The following KLHL1 variants were observed in gnomAD, a reference collection of about 807,000 sequenced individuals.
The protein encoded by KLHL1 is kelch-like protein 1.
In KLHL1, 47 loss-of-function variants were observed where a neutral mutation model predicts 77.7. The ratio of observed to expected loss-of-function variants is 0.60; its 90% CI spans 0.48 to 0.77. The LOEUF is 0.77. Ranked by LOEUF, KLHL1 falls within the 30% of genes least tolerant of loss-of-function variation. The pLI is 0.00. For synonymous variants in KLHL1, 360 were observed against 325.2 expected (o/e 1.11, Z -1.15); for missense variants, 925 against 910.8 (o/e 1.02, Z -0.20).
chr13:69,757,933 A>T (rs1334660377), intron 7 of KLHL1, among the ~76,000 whole-genome samples: 1 of 133,452 alleles, frequency 7.5e-6, no homozygotes, highest in African/African-American at 2.8e-5. Context: ...CTGCAGCCTG[A>T]GTAACAAGAG....
At chr13:69,785,495 C>T (rs1876487648) in intron 7 of KLHL1, among the ~76,000 whole-genome samples, 3 of 152,128 alleles carry the variant, frequency 2.0e-5, no homozygotes, top group African/African-American at 4.8e-5. Flanking sequence ...CTCTGGGACA[C>T]ATTCAAAGCA....
chr13:69,835,274 A>G (rs1448605204), intron 6 of KLHL1, among the ~76,000 whole-genome samples: 2 of 152,162 alleles, frequency 1.3e-5, no homozygotes, highest in African/African-American at 4.8e-5. Flanking sequence ...TCTAATTCTA[A>G]TACCAGCCCA....
intron 4 of KLHL1, among the ~76,000 whole-genome samples, chr13:69,901,061 A>G (rs114382323): frequency 0.014 from 2,076 of 152,358 alleles, 40 homozygotes; most frequent in African/African-American, 0.048. Context: ...ATTACCATAA[A>G]CAGAAACAAG....
intron 7 of KLHL1, among the ~76,000 whole-genome samples, chr13:69,755,250 C>T (rs1874657374): frequency 1.3e-5 from 2 of 151,742 alleles, no homozygotes; most frequent in Non-Finnish European, 2.9e-5. Context: ...CCCACTCTTG[C>T]CACGTGATAC....
chr13:69,966,130 A>G (rs1472230084), intron 2 of KLHL1, among the ~76,000 whole-genome samples: 2 of 152,156 alleles, frequency 1.3e-5, no homozygotes, highest in African/African-American at 4.8e-5. Flanking sequence ...AAGTGGCTAC[A>G]CTAAACAATA....
intron 1 of KLHL1, among the ~76,000 whole-genome samples, chr13:70,103,692 G>A (rs1437693303): frequency 6.6e-6 from 1 of 152,146 alleles, no homozygotes; most frequent in Non-Finnish European, 1.5e-5. Flanking sequence ...TGAGGGGAAA[G>A]AAGATATTGA....
At chr13:69,717,579 C>T (rs1872822874) in intron 9 of KLHL1, among the ~76,000 whole-genome samples, 1 of 152,086 alleles carries the variant, frequency 6.6e-6, no homozygotes, top group South Asian at 2.1e-4. Flanking sequence ...TCACAAACAA[C>T]ATTTCAATAC....
chr13:70,074,819 C>A (rs1887221767), intron 1 of KLHL1, among the ~76,000 whole-genome samples: 1 of 151,358 alleles, frequency 6.6e-6, no homozygotes, highest in Non-Finnish European at 1.5e-5. Context: ...CATAAGAACT[C>A]AAAAAATAAA....
intron 1 of KLHL1, among the ~76,000 whole-genome samples, chr13:70,101,188 T>C: frequency 6.6e-6 from 1 of 152,122 alleles, no homozygotes; most frequent in East Asian, 1.9e-4. Flanking sequence ...CTAAACAATT[T>C]GAAATAGTAC....
intron 1 of KLHL1, among the ~76,000 whole-genome samples, chr13:70,008,362 T>C (rs1473388604): frequency 6.6e-6 from 1 of 152,090 alleles, no homozygotes; most frequent in Non-Finnish European, 1.5e-5. Context: ...ATTTCATGCA[T>C]GCCTTGGGCC....
intron 1 of KLHL1, among the ~76,000 whole-genome samples, chr13:70,056,959 TATC>T (rs1434133219): frequency 6.6e-6 from 1 of 151,294 alleles, no homozygotes; most frequent in African/African-American, 2.4e-5. Context: ...AAATAAATAA[TATC>T]AGCACAGAAA....
intron 4 of KLHL1, among the ~76,000 whole-genome samples, chr13:69,893,011 A>C (rs1881483656): frequency 6.6e-6 from 1 of 152,194 alleles, no homozygotes; most frequent in Non-Finnish European, 1.5e-5. Flanking sequence ...ACCAACATTT[A>C]AAAATCACAA....
Position 70,094,393 on chromosome 13 carries a change from T to TATATATATATATATATATA in KLHL1, c.497+12809_497+12810insTATATATATATATATATAT, listed in dbSNP as rs1887738580. Among the ~76,000 whole-genome samples, 89 of 137,202 alleles carry TATATATATATATATATATA rather than the reference T, an allele frequency of 6.5e-4. 1 individual carries two copies. The highest frequency in any genetic ancestry group is 2.7e-3 in the African/African-American group (84 of 31,642). The allele number at this position is 137,202 out of a possible 152,430, so 90.0% of individuals were successfully genotyped here. Reference sequence around the variant, plus strand: ...TGAAACAAATACAATGCAATCATCTTTATATATATATATATATGAATATAT... The same window carrying TATATATATATATATATATA: ...TGAAACAAATACAATGCAATCATCTTATATATATATATATATATATATATATATATATATATGAATATAT... On this transcript the variant is annotated intron_variant, in intron 1 of 10. Coordinates refer to ENST00000377844, the MANE Select transcript of KLHL1 (RefSeq NM_020866.3).
chr13:69,978,295 T>G (rs904630982), intron 1 of KLHL1, among the ~76,000 whole-genome samples: 1 of 151,550 alleles, frequency 6.6e-6, no homozygotes, highest in African/African-American at 2.4e-5. Flanking sequence ...GGACCAAAAC[T>G]GCTCCAAAAG....
intron 6 of KLHL1, among the ~76,000 whole-genome samples, chr13:69,813,996 A>G (rs1878013321): frequency 1.3e-5 from 2 of 152,204 alleles, no homozygotes; most frequent in Non-Finnish European, 2.9e-5. Flanking sequence ...ACTTCAAATT[A>G]TACTATAAGG....
intron 8 of KLHL1, among the ~76,000 whole-genome samples, chr13:69,732,893 G>A (rs558199514): frequency 6.6e-6 from 1 of 152,198 alleles, no homozygotes; most frequent in South Asian, 2.1e-4. Context: ...GGCCCAAATA[G>A]CAGTTGACTG....
intron 1 of KLHL1, among the ~76,000 whole-genome samples, chr13:70,056,188 G>A (rs1798623811): frequency 1.3e-5 from 2 of 152,040 alleles, no homozygotes; most frequent in South Asian, 2.1e-4. Flanking sequence ...AGGACCAGGA[G>A]TAGATAAACT....
chr13:69,783,724 G>A (rs1463138135), intron 7 of KLHL1, among the ~76,000 whole-genome samples: 3 of 128,418 alleles, frequency 2.3e-5, no homozygotes, highest in African/African-American at 9.3e-5. Flanking sequence ...TGAAAGTGAC[G>A]GGGACAATGG....
intron 2 of KLHL1, among the ~76,000 whole-genome samples, chr13:69,972,821 T>A (rs1051568866): frequency 6.6e-6 from 1 of 151,892 alleles, no homozygotes; most frequent in African/African-American, 2.4e-5. Context: ...CATGAACACC[T>A]CCTAATTTTC....
Sources: allele counts gnomAD v4.1 joint callset (sites outside exome capture counted in the v4.1 genomes callset), GRCh38; gene constraint gnomAD v4.1.1; transcripts MANE v1.5; gene names NCBI Gene and HGNC (gene_info 2026-07-23, HGNC 2026-07-21).